CFAP300: variants seen among roughly 807,000 people sequenced by gnomAD.
CFAP300 encodes cilia- and flagella-associated protein 300.
CFAP300 carries 32 observed loss-of-function variants against 33.0 expected under a neutral mutation model. The ratio of observed to expected loss-of-function variants is 0.97; its 90% CI spans 0.73 to 1.30. CFAP300 has a LOEUF of 1.30. Ranked by LOEUF, CFAP300 falls within the 50% of genes most tolerant of loss-of-function variation. The probability of loss-of-function intolerance (pLI) is 0.00; values close to 1 mark genes in which losing one functional copy is unlikely to be tolerated. For missense variants in CFAP300, 356 were observed against 318.1 expected, an observed-to-expected ratio of 1.12 and a Z score of -0.90; for synonymous variants, 102 against 106.8, an observed-to-expected ratio of 0.95 and a Z score of 0.28.
chr11:102,060,616 G>A lies in CFAP300; in HGVS notation c.268+1661G>A, dbSNP rs148922305. 6.0e-3 allele frequency among the ~76,000 whole-genome samples: 920 copies of A among 152,182 alleles called. 7 individuals are homozygous for A. Among genetic ancestry groups the A allele is most frequent in the Middle Eastern group, 0.014 (4 of 294 alleles). On this transcript the variant is annotated intron_variant, in intron 3 of 6. Transcript: ENST00000434758. ...ATGAAAGCTATATTTTAAATTTTAG[G>A]TTGAGATTATCTTAGCAACAGAATG...
At chr11:102,073,114 A>G (rs1360015842) in intron 4 of CFAP300, among the ~76,000 whole-genome samples, 1 of 152,158 alleles carries the variant, frequency 6.6e-6, no homozygotes, top group East Asian at 1.9e-4. Context: ...GCCTCCACGC[A>G]GCTTGCTCAT....
intron 3 of CFAP300, among the ~76,000 whole-genome samples, chr11:102,065,563 T>A (rs539229397): frequency 2.6e-5 from 4 of 151,828 alleles, no homozygotes; most frequent in Non-Finnish European, 5.9e-5. Flanking sequence ...GGTCGAGAGT[T>A]CAAGACCAGC....
At chr11:102,074,256 A>T (rs1426398030) in intron 4 of CFAP300, among the ~76,000 whole-genome samples, 8 of 152,072 alleles carry the variant, frequency 5.3e-5, no homozygotes, top group African/African-American at 1.9e-4. Context: ...TCCTCTCTGG[A>T]GCAGTGCCAT....
chr11:102,055,599 C>T (rs1942041501), intron 2 of CFAP300, among the ~76,000 whole-genome samples: 1 of 150,372 alleles, frequency 6.7e-6, no homozygotes, highest in Admixed American at 6.6e-5. Context: ...GCTCAAGCCT[C>T]AGCCTCCCAA....
chr11:102,083,647 G>C lies in CFAP300; in HGVS notation c.*448G>C, dbSNP rs1037547391. ...AATTACATTTCTTCATTGCACAAGC[G>C]TTTACATCTGTAAAGCTAGGCAAAG... is the stretch of plus-strand genomic sequence containing the variant. On this transcript the variant is annotated 3_prime_UTR_variant, in exon 7 of 7. Coordinates refer to ENST00000434758, the MANE Select transcript of CFAP300 (RefSeq NM_032930.3). 2 of 152,130 alleles carry C rather than the reference G, an allele frequency of 1.3e-5. No individual in the cohort carries two copies. The highest frequency in any genetic ancestry group is 4.1e-4 in the South Asian group (2 of 4,834). 9.4% of individuals were successfully genotyped at this position (152,130 alleles called of 1,614,324 possible). A position where few individuals can be genotyped will look rare whatever the true frequency, so the allele number is the denominator to read the frequency against.
At chr11:102,080,355 T>C in intron 5 of CFAP300, among the ~76,000 whole-genome samples, 1 of 152,282 alleles carries the variant, frequency 6.6e-6, no homozygotes, top group South Asian at 2.1e-4. Flanking sequence ...ATTTTTAATA[T>C]GATATAACTT....
At chr11:102,068,959 G>A (rs1241704607) in intron 4 of CFAP300, among the ~76,000 whole-genome samples, 1 of 151,956 alleles carries the variant, frequency 6.6e-6, no homozygotes, top group East Asian at 1.9e-4. Flanking sequence ...TTCTTCTCTG[G>A]CATAAGGGTC....
intron 6 of CFAP300, among the ~76,000 whole-genome samples, chr11:102,082,409 C>G (rs548151937): frequency 8.0e-4 from 120 of 150,376 alleles, no homozygotes; most frequent in Non-Finnish European, 1.5e-3. Context: ...AAAGAGAAAA[C>G]AAAGATAGAA....
rs915103953 is a variant in CFAP300 at position 102,084,347 on chromosome 11, A to G, written c.*1148A>G. The G allele has an allele frequency of 7.9e-5, 12 of 152,356 alleles. No homozygotes were observed. The highest frequency in any genetic ancestry group is 1.3e-4 in the Non-Finnish European group (9 of 68,038). 9.4% of individuals were successfully genotyped at this position (152,356 alleles called of 1,614,324 possible). Reference sequence around the variant, plus strand: ...GATGTGTTTCTGTGTTGTGGGATAAAGACGATAATCTTGGACTTGAACCTG... The same window carrying G: ...GATGTGTTTCTGTGTTGTGGGATAAGGACGATAATCTTGGACTTGAACCTG... On this transcript the variant is annotated 3_prime_UTR_variant, in exon 7 of 7. Transcript: ENST00000434758.
chr11:102,067,055 C>T (rs896232213), intron 4 of CFAP300, among the ~76,000 whole-genome samples: 3 of 152,134 alleles, frequency 2.0e-5, no homozygotes, highest in Non-Finnish European at 4.4e-5. Context: ...AAAAACATCC[C>T]GGAGCTGGGC....
chr11:102,058,618 A>T (rs1942094250), intron 2 of CFAP300, among the ~76,000 whole-genome samples: 1 of 149,670 alleles, frequency 6.7e-6, no homozygotes, highest in Non-Finnish European at 1.5e-5. Flanking sequence ...ATATTATATA[A>T]CCTCCTAATG....
At chr11:102,081,104 T>C (rs1942466912) in intron 5 of CFAP300, 111 bp from the exon 6 acceptor site, 5 of 772,946 alleles carry the variant, frequency 6.5e-6, no homozygotes, top group Non-Finnish European at 9.8e-6. Flanking sequence ...ATAGTATGTA[T>C]TTCCATGTTC....
At chr11:102,075,310 G>C (rs1369674415) in intron 4 of CFAP300, among the ~76,000 whole-genome samples, 2 of 152,180 alleles carry the variant, frequency 1.3e-5, no homozygotes, top group Non-Finnish European at 2.9e-5. Context: ...AGAAGAGCAA[G>C]AGTCAGTGTC....
At chr11:102,061,685 A>G (rs1268886761) in intron 3 of CFAP300, among the ~76,000 whole-genome samples, 2 of 152,248 alleles carry the variant, frequency 1.3e-5, no homozygotes, top group Non-Finnish European at 2.9e-5. Context: ...TAATGTGTGC[A>G]GTTTTACTCG....
intron 5 of CFAP300, among the ~76,000 whole-genome samples, chr11:102,077,202 TGGA>T (rs984520906): frequency 1.2e-4 from 19 of 152,350 alleles, no homozygotes; most frequent in African/African-American, 4.3e-4. Context: ...CTGTGTGCTG[TGGA>T]GGAGGAGATT....
In CFAP300 at chr11:102,081,210, T is replaced by C; in HGVS notation, c.609-5T>C. On this transcript the variant is annotated splice_region_variant and splice_polypyrimidine_tract_variant and intron_variant, in intron 5 of 6. Transcript: ENST00000434758. The stretch of plus-strand genomic sequence containing the variant: ...GTTAAAAGCACCTTTTCTTCCTTTT[T>C]TTAGTGTTCGAAAGAATCCTCAAAC... 1 of 1,600,474 alleles carries C rather than the reference T, an allele frequency of 6.2e-7. No individual in the cohort carries two copies. The highest frequency in any genetic ancestry group is 8.5e-7 in the Non-Finnish European group (1 of 1,175,976).
rs778779050 is a variant in CFAP300 at position 102,058,871 on chromosome 11, G to A, written c.193-9G>A. On this transcript the variant is annotated splice_polypyrimidine_tract_variant and intron_variant, in intron 2 of 6. Coordinates refer to ENST00000434758, the MANE Select transcript of CFAP300 (RefSeq NM_032930.3). ...TATCTAACTTATTCCCCTCAAATTT[G>A]TATTTTAGGCTTTTTTCAAAGACCC... 2 of 1,519,190 alleles carry A rather than the reference G, an allele frequency of 1.3e-6. No individual in the cohort carries two copies. Among genetic ancestry groups the A allele is most frequent in the Admixed American group, 2.0e-5 (1 of 50,322 alleles). The allele number at this position is 1,519,190 out of a possible 1,614,324, so 94.1% of individuals were successfully genotyped here.
At chr11:102,068,956 CTGGCATAAGG>C (rs1309879108) in intron 4 of CFAP300, among the ~76,000 whole-genome samples, 1 of 152,198 alleles carries the variant, frequency 6.6e-6, no homozygotes, top group African/African-American at 2.4e-5. Flanking sequence ...CACTTCTTCT[CTGGCATAAGG>C]GTCTAAAGAC....
intron 5 of CFAP300, 92 bp downstream of exon 5, chr11:102,076,137 G>C: frequency 7.3e-7 from 1 of 1,371,264 alleles, no homozygotes; most frequent in Non-Finnish European, 9.7e-7. Context: ...TCATTCAGTG[G>C]TTATATTAAC....
Sources: allele counts gnomAD v4.1 joint callset (sites outside exome capture counted in the v4.1 genomes callset), GRCh38; gene constraint gnomAD v4.1.1; transcripts MANE v1.5; gene names NCBI Gene and HGNC (gene_info 2026-07-23, HGNC 2026-07-21).